The following ECE1 variants were observed in gnomAD, a reference collection of about 807,000 sequenced individuals.
The protein encoded by ECE1 is endothelin-converting enzyme 1.
ECE1 carries 35 observed loss-of-function variants against 98.6 expected under a neutral mutation model. The observed-to-expected ratio is 0.35, with a 90% CI of 0.27 to 0.47. The LOEUF is 0.47. ECE1 is among the 20% of genes least tolerant of loss of function. ECE1 has a pLI of 1.00. For missense variants in ECE1, 814 were observed against 1,025.3 expected, an observed-to-expected ratio of 0.79 and a Z score of 2.81; for synonymous variants, 394 against 407.1, an observed-to-expected ratio of 0.97 and a Z score of 0.39.
intron 14 of ECE1, among the ~76,000 whole-genome samples, chr1:21,229,133 G>A (rs893107062): frequency 6.6e-6 from 1 of 151,934 alleles, no homozygotes; most frequent in Admixed American, 6.6e-5. Flanking sequence ...GAGCCACTGC[G>A]CCGTCATAAT....
At chr1:21,336,732 A>G (rs1639311731) in intron 1 of ECE1, among the ~76,000 whole-genome samples, 1 of 152,174 alleles carries the variant, frequency 6.6e-6, no homozygotes, top group Non-Finnish European at 1.5e-5. Flanking sequence ...AGTCCCAGCT[A>G]CTCAGGAGGC....
intron 1 of ECE1, among the ~76,000 whole-genome samples, chr1:21,304,315 CAAAA>C (rs71014183): frequency 1.0e-4 from 5 of 48,640 alleles, no homozygotes; most frequent in Non-Finnish European, 1.4e-4. Flanking sequence ...GACTCCCTCT[CAAAA>C]AAAAAAAAAA....
intron 3 of ECE1, among the ~76,000 whole-genome samples, chr1:21,273,781 G>A (rs1409730590): frequency 1.3e-5 from 2 of 152,204 alleles, no homozygotes; most frequent in Non-Finnish European, 2.9e-5. Context: ...TTTGAACCCG[G>A]GAGATGGAGG....
intron 3 of ECE1, among the ~76,000 whole-genome samples, chr1:21,277,388 T>C (rs1067242): frequency 0.059 from 8,926 of 152,258 alleles, 797 homozygotes; most frequent in African/African-American, 0.19. Context: ...AGTCTCAGGG[T>C]AACACTGGCT....
Position 21,279,249 on chromosome 1 carries a change from T to C in ECE1, c.222A>G (p.Val74=). 1.2e-6 allele frequency: 2 copies of C among 1,614,158 alleles called. No individual in the cohort carries two copies. Among genetic ancestry groups the C allele is most frequent in the Non-Finnish European group, 1.7e-6 (2 of 1,180,022 alleles). Residue 74 remains valine (V), a synonymous_variant, in exon 3 of 19, where the codon GTA becomes GTG. Coordinates refer to ENST00000374893, the MANE Select transcript of ECE1 (RefSeq NM_001397.3). Reference sequence around the variant, plus strand: ...AGGCCACCAGTCCTGCCGCCAGAAGTACCACCAACACCACCAGCCGCTTCT... The same window carrying C: ...AGGCCACCAGTCCTGCCGCCAGAAGCACCACCAACACCACCAGCCGCTTCT... ...QVEKRLVVLV[V]LLAAGLVACL... is the part of the protein sequence containing the mutation.
chr1:21,243,032 A>C (rs1359443603), intron 10 of ECE1, among the ~76,000 whole-genome samples: 1 of 152,220 alleles, frequency 6.6e-6, no homozygotes, highest in Non-Finnish European at 1.5e-5. Context: ...AGCCCTTGGC[A>C]ACCACAGGGA....
chr1:21,276,144 G>A (rs572188818), intron 3 of ECE1, among the ~76,000 whole-genome samples: 1 of 147,488 alleles, frequency 6.8e-6, no homozygotes, highest in East Asian at 2.0e-4. Flanking sequence ...TCCTGCCTCA[G>A]CCTCCTGAGT....
intron 2 of ECE1, among the ~76,000 whole-genome samples, chr1:21,286,476 T>C (rs1266658398): frequency 6.6e-6 from 1 of 152,228 alleles, no homozygotes; most frequent in African/African-American, 2.4e-5. Context: ...AACCCCATTT[T>C]ACAAAGAAAG....
At chr1:21,226,748 T>C (rs1450330784) in intron 16 of ECE1, among the ~76,000 whole-genome samples, 1 of 152,094 alleles carries the variant, frequency 6.6e-6, no homozygotes, top group Non-Finnish European at 1.5e-5. Flanking sequence ...TTTTTTGAGA[T>C]GGAGTCTCGC....
chr1:21,305,033 A>G (rs1372233149), intron 1 of ECE1, among the ~76,000 whole-genome samples: 1 of 152,228 alleles, frequency 6.6e-6, no homozygotes, highest in African/African-American at 2.4e-5. Flanking sequence ...TCAAAGATCT[A>G]TGCAGAACTA....
intron 1 of ECE1, among the ~76,000 whole-genome samples, chr1:21,326,990 G>A (rs1010915108): frequency 1.3e-5 from 2 of 152,210 alleles, no homozygotes; most frequent in Non-Finnish European, 2.9e-5. Flanking sequence ...TGTGGACTCC[G>A]TCAAAGCCTG....
chr1:21,339,713 CTGA>C (rs1412413404), intron 1 of ECE1, among the ~76,000 whole-genome samples: 3 of 152,246 alleles, frequency 2.0e-5, no homozygotes, highest in African/African-American at 7.2e-5. Flanking sequence ...GCCCACCTCC[CTGA>C]TGTTAGATCC....
In ECE1 at chr1:21,236,821, A is replaced by C; in HGVS notation, c.1413T>G (p.Ile471Met). 6.2e-7 allele frequency: 1 copy of C among 1,613,132 alleles called. No homozygotes were observed. Among genetic ancestry groups the C allele is most frequent in the Non-Finnish European group, 8.5e-7 (1 of 1,179,914 alleles). Reference sequence around the variant, plus strand: ...TCAGGCTTTCCTCAAATGCCTTCTTAATCTCCAGGATGATCTCGGTGGCCT... The same window carrying C: ...TCAGGCTTTCCTCAAATGCCTTCTTCATCTCCAGGATGATCTCGGTGGCCT... ...KSIATEIILEIKKAFEESLST... is the reference protein window; with the variant it reads ...KSIATEIILEMKKAFEESLST... The change falls in exon 12 of 19, where the codon ATT becomes ATG. Residue 471 changes from isoleucine (I) to methionine (M), a missense_variant. Transcript: ENST00000374893.
At chr1:21,241,423 G>GTTTTT (rs1223983301) in intron 10 of ECE1, among the ~76,000 whole-genome samples, 1 of 133,382 alleles carries the variant, frequency 7.5e-6, no homozygotes, top group East Asian at 2.2e-4. Context: ...TGGTTGAGGT[G>GTTTTT]TTTTTTTTTT....
intron 2 of ECE1, among the ~76,000 whole-genome samples, chr1:21,283,014 T>C (rs1343972891): frequency 6.8e-6 from 1 of 147,088 alleles, no homozygotes; most frequent in Non-Finnish European, 1.5e-5. Context: ...CCATCTCGGC[T>C]CATTGCAACC....
intron 1 of ECE1, among the ~76,000 whole-genome samples, chr1:21,302,114 G>A (rs970360073): frequency 3.9e-5 from 6 of 152,228 alleles, no homozygotes; most frequent in African/African-American, 1.4e-4. Flanking sequence ...TTCTCAGAGT[G>A]GGGAGACCCA....
intron 4 of ECE1, among the ~76,000 whole-genome samples, chr1:21,264,585 G>A (rs1005132669): frequency 6.6e-6 from 1 of 152,190 alleles, no homozygotes; most frequent in Non-Finnish European, 1.5e-5. Flanking sequence ...AAAGTGCTGG[G>A]ATTACAGGCG....
chr1:21,298,779 C>T (rs755807530), intron 1 of ECE1: 21 of 456,180 alleles, frequency 4.6e-5, no homozygotes, highest in South Asian at 1.1e-4. Flanking sequence ...TCAGATAAGA[C>T]GGCAATCACC....
At chr1:21,342,644 A>G (rs1018976902) in intron 1 of ECE1, among the ~76,000 whole-genome samples, 63 of 141,710 alleles carry the variant, frequency 4.4e-4, no homozygotes, top group African/African-American at 1.7e-3. Flanking sequence ...ACACACACAC[A>G]CACGCCCTGC....
Sources: gnomAD v4.1 joint callset for allele counts (sites outside exome capture counted in the v4.1 genomes callset) on GRCh38, gnomAD v4.1.1 for gene constraint, MANE v1.5 for transcripts, NCBI Gene and HGNC (gene_info 2026-07-23, HGNC 2026-07-21) for gene names.